NTRK3: variants seen among roughly 807,000 people sequenced by gnomAD.
The protein encoded by NTRK3 is NT-3 growth factor receptor.
NTRK3 carries 24 observed loss-of-function variants against 91.7 expected under a neutral mutation model. The observed-to-expected ratio is 0.26, with a 90% CI of 0.19 to 0.37. NTRK3 has a LOEUF of 0.37. Among genes scored for constraint, NTRK3 ranks in the 10% least tolerant of loss-of-function variants. The pLI, the probability that NTRK3 is intolerant of heterozygous loss-of-function variation, is 1.00. For synonymous variants in NTRK3, 483 were observed against 404.0 expected, an observed-to-expected ratio of 1.20 and a Z score of -2.34; for missense variants, 880 against 1,068.9, an observed-to-expected ratio of 0.82 and a Z score of 2.46.
intron 3 of NTRK3, among the ~76,000 whole-genome samples, chr15:88,214,156 G>T (rs1397074512): frequency 6.6e-6 from 1 of 152,126 alleles, no homozygotes; most frequent in Admixed American, 6.6e-5. Context: ...GTTTCCCGGG[G>T]CTCCCATAAC....
intron 6 of NTRK3, among the ~76,000 whole-genome samples, chr15:88,138,523 C>T (rs535395298): frequency 2.0e-5 from 3 of 152,270 alleles, no homozygotes; most frequent in African/African-American, 7.2e-5. Flanking sequence ...TAATCTGCAC[C>T]ATTCTCCATC....
chr15:87,959,723 A>C (rs2072051648), intron 14 of NTRK3, among the ~76,000 whole-genome samples: 1 of 152,334 alleles, frequency 6.6e-6, no homozygotes, highest in African/African-American at 2.4e-5. Flanking sequence ...TAACTCATTA[A>C]AGGATTGACA....
At chr15:88,109,023 C>T (rs546238081) in intron 13 of NTRK3, among the ~76,000 whole-genome samples, 3 of 152,314 alleles carry the variant, frequency 2.0e-5, no homozygotes, top group East Asian at 1.9e-4. Context: ...CAACAGAGTG[C>T]CTGGAAATTT....
intron 13 of NTRK3, among the ~76,000 whole-genome samples, chr15:88,073,134 G>C (rs536564635): frequency 6.6e-6 from 1 of 152,256 alleles, no homozygotes; most frequent in South Asian, 2.1e-4. Context: ...TCAAAGCCTG[G>C]TTCTCAGACC....
At chr15:87,918,050 A>T (rs962643078) in intron 17 of NTRK3, among the ~76,000 whole-genome samples, 18 of 151,904 alleles carry the variant, frequency 1.2e-4, no homozygotes, top group Non-Finnish European at 2.4e-4. Context: ...CCCCTTACAA[A>T]CTGCAAGTGG....
chr15:88,206,039 C>T (rs1270334962), intron 3 of NTRK3: 1 of 152,406 alleles, frequency 6.6e-6, no homozygotes, highest in Non-Finnish European at 1.5e-5. Context: ...TTGGAAGACA[C>T]TTATTAAAAC....
At chr15:88,194,796 G>A (rs2047683656) in intron 3 of NTRK3, among the ~76,000 whole-genome samples, 1 of 152,126 alleles carries the variant, frequency 6.6e-6, no homozygotes, top group African/African-American at 2.4e-5. Flanking sequence ...CCTTCCTCAT[G>A]TAACATATGC....
chr15:88,236,982 C>T (rs1452976246), intron 3 of NTRK3, among the ~76,000 whole-genome samples: 1 of 152,118 alleles, frequency 6.6e-6, no homozygotes, highest in Non-Finnish European at 1.5e-5. Context: ...AGAGAATGCA[C>T]ACTTAAGAGT....
intron 9 of NTRK3, 106 bp from the exon 10 acceptor site, chr15:88,135,503 T>C (rs2041788043): frequency 7.7e-7 from 1 of 1,290,884 alleles, no homozygotes; most frequent in African/African-American, 1.5e-5. Context: ...CCACCCACTC[T>C]GAAAAGGCTG....
intron 3 of NTRK3, among the ~76,000 whole-genome samples, chr15:88,229,549 G>A (rs1035277873): frequency 2.2e-4 from 34 of 152,158 alleles, no homozygotes; most frequent in African/African-American, 8.0e-4. Flanking sequence ...ACCCTGGTCT[G>A]CAACTAACAC....
In NTRK3 at chr15:88,010,910, A is replaced by C. The variant is rs943551036; in HGVS notation, c.1585+21947T>G. On this transcript the variant is annotated intron_variant, in intron 14 of 18. Coordinates refer to ENST00000394480, the Ensembl canonical transcript of NTRK3. ...CAGCAGTTACCTGGATCTGGCTTGC[A>C]TTCTAATTCACTCCCTACATGAATG... Among the ~76,000 whole-genome samples, 12 of 152,182 alleles carry C rather than the reference A, an allele frequency of 7.9e-5. No individual in the cohort carries two copies. The South Asian group carries it at 2.5e-3, about 32-fold the overall frequency.
intron 13 of NTRK3, among the ~76,000 whole-genome samples, chr15:88,073,204 C>T (rs2047239521): frequency 6.6e-6 from 1 of 152,214 alleles, no homozygotes; most frequent in Non-Finnish European, 1.5e-5. Context: ...TTCCATCCTT[C>T]TCCCACAATT....
At chr15:87,927,595 G>C (rs778266224) in intron 17 of NTRK3, 1 of 152,204 alleles carries the variant, frequency 6.6e-6, no homozygotes, top group Non-Finnish European at 1.5e-5. Context: ...CAGCCCCAAG[G>C]TAATGGTGTT....
intron 17 of NTRK3, among the ~76,000 whole-genome samples, chr15:87,910,638 G>C (rs529933476): frequency 6.6e-5 from 10 of 152,304 alleles, no homozygotes; most frequent in African/African-American, 2.4e-4. Flanking sequence ...CCATGTGAGT[G>C]CATGAGGTTT....
chr15:88,227,174 C>T (rs1437983393), intron 3 of NTRK3, among the ~76,000 whole-genome samples: 2 of 152,162 alleles, frequency 1.3e-5, no homozygotes, highest in Admixed American at 6.5e-5. Context: ...GCATCCTCCC[C>T]GTCGGGTCTC....
intron 16 of NTRK3, among the ~76,000 whole-genome samples, chr15:87,929,936 G>A (rs186258859): frequency 1.3e-5 from 2 of 152,318 alleles, no homozygotes; most frequent in East Asian, 3.9e-4. Flanking sequence ...AGTAGGATCT[G>A]AAACCAGACA....
intron 13 of NTRK3, among the ~76,000 whole-genome samples, chr15:88,116,018 C>T (rs2052025745): frequency 1.3e-5 from 2 of 152,180 alleles, no homozygotes; most frequent in Non-Finnish European, 2.9e-5. Context: ...ATGACTGTCA[C>T]AGCAGCTCAA....
In NTRK3 at chr15:88,145,859, T is replaced by A. The variant is rs949741416; in HGVS notation, c.464+1476A>T. Among the ~76,000 whole-genome samples, 6 of 144,238 alleles carry A rather than the reference T, an allele frequency of 4.2e-5. No individual in the cohort carries two copies. The South Asian group carries it at 6.7e-4, about 16-fold the overall frequency. The allele number at this position is 144,238 out of a possible 152,430, so 94.6% of individuals were successfully genotyped here. ...AAAGACCACAATCATGTGTTTTTTT[T>A]AAAATTATGGTAGAATAGATCCTTG... On this transcript the variant is annotated intron_variant, in intron 6 of 18. Transcript: ENST00000394480.
At chr15:87,970,643 T>A (rs1222799845) in intron 14 of NTRK3, among the ~76,000 whole-genome samples, 1 of 152,184 alleles carries the variant, frequency 6.6e-6, no homozygotes, top group African/African-American at 2.4e-5. Context: ...GCCTTTGATA[T>A]CCTAATGCAA....
Sources: gnomAD v4.1 joint callset for allele counts (sites outside exome capture counted in the v4.1 genomes callset) on GRCh38, gnomAD v4.1.1 for gene constraint, MANE v1.5 for transcripts, NCBI Gene and HGNC (gene_info 2026-07-23, HGNC 2026-07-21) for gene names.